The following PALM2AKAP2 variants were observed in gnomAD, a reference collection of about 807,000 sequenced individuals.
The protein encoded by PALM2AKAP2 is PALM2-AKAP2 fusion protein.
In PALM2AKAP2, 37 loss-of-function variants were observed where a neutral mutation model predicts 71.5. The ratio of observed to expected loss-of-function variants is 0.52; its 90% CI spans 0.40 to 0.68. PALM2AKAP2 has a LOEUF of 0.68. Among genes scored for constraint, PALM2AKAP2 ranks in the 30% least tolerant of loss-of-function variants. The pLI is 0.00. For missense variants in PALM2AKAP2, 1,224 were observed against 1,191.8 expected, an observed-to-expected ratio of 1.03 and a Z score of -0.40; for synonymous variants, 468 against 478.8, an observed-to-expected ratio of 0.98 and a Z score of 0.29.
chr9:109,683,112 G>A, intron 1 of PALM2AKAP2, among the ~76,000 whole-genome samples: 1 of 152,142 alleles, frequency 6.6e-6, no homozygotes. Flanking sequence ...TTCACCATGT[G>A]AAGTGCCTGC....
rs145903597 is a variant in PALM2AKAP2 at position 109,913,383 on chromosome 9, A to G, written c.258-10352A>G. On this transcript the variant is annotated intron_variant, in intron 3 of 9. Coordinates refer to the PALM2AKAP2 transcript ENST00000302798. ...CCAGACGGACACAAATAGCGCACCAAAGAGATGCTAAGACATGGGTGATTA... is the reference window on the plus strand; with the variant it reads ...CCAGACGGACACAAATAGCGCACCAGAGAGATGCTAAGACATGGGTGATTA... 2.0e-4 allele frequency among the ~76,000 whole-genome samples: 31 copies of G among 152,346 alleles called. No homozygotes were observed. In the East Asian group the frequency reaches 2.9e-3, roughly 14 times the overall value.
intron 7 of PALM2AKAP2, among the ~76,000 whole-genome samples, chr9:110,042,559 A>G (rs1833528090): frequency 6.6e-6 from 1 of 152,212 alleles, no homozygotes; most frequent in Non-Finnish European, 1.5e-5. Context: ...GGATGGTGTA[A>G]AACCACTAGT....
intron 6 of PALM2AKAP2, among the ~76,000 whole-genome samples, chr9:109,954,712 A>G (rs1831715042): frequency 1.3e-5 from 2 of 150,882 alleles, no homozygotes; most frequent in South Asian, 4.2e-4. Flanking sequence ...TTAAGTGATC[A>G]TGTAGGGCAG....
chr9:109,728,331 T>C (rs890903760), intron 1 of PALM2AKAP2, among the ~76,000 whole-genome samples: 5 of 152,240 alleles, frequency 3.3e-5, no homozygotes, highest in African/African-American at 1.2e-4. Context: ...GGCAACTGCC[T>C]TGCCTTACAT....
At chr9:109,802,837 G>A (rs1254611650) in intron 1 of PALM2AKAP2, among the ~76,000 whole-genome samples, 1 of 152,222 alleles carries the variant, frequency 6.6e-6, no homozygotes, top group Non-Finnish European at 1.5e-5. Context: ...CGTAAATTTA[G>A]ATGGATCATT....
At chr9:109,750,262 A>G (rs1828865574) in intron 1 of PALM2AKAP2, among the ~76,000 whole-genome samples, 2 of 152,204 alleles carry the variant, frequency 1.3e-5, no homozygotes, top group Non-Finnish European at 1.5e-5. Context: ...AAGCACAGGA[A>G]ATTAGTTCCA....
chr9:110,110,063 TG>T (rs1231528527), intron 1 of PALM2AKAP2, among the ~76,000 whole-genome samples: 1 of 152,226 alleles, frequency 6.6e-6, no homozygotes, highest in Non-Finnish European at 1.5e-5. Context: ...TATTATATAT[TG>T]TACTTGAAAG....
chr9:110,157,076 A>T (rs535784298), intron 3 of PALM2AKAP2, among the ~76,000 whole-genome samples: 70 of 152,360 alleles, frequency 4.6e-4, no homozygotes, highest in Admixed American at 9.8e-4. Context: ...AGCCCTCGGA[A>T]CTTTGCACAT....
chr9:110,099,699 C>T (rs906659664), intron 1 of PALM2AKAP2, among the ~76,000 whole-genome samples: 1 of 152,096 alleles, frequency 6.6e-6, no homozygotes, highest in Non-Finnish European at 1.5e-5. Context: ...GTTTAGGAGT[C>T]CCGAGAAAAC....
intron 1 of PALM2AKAP2, among the ~76,000 whole-genome samples, chr9:109,702,301 A>G (rs1828073426): frequency 1.3e-5 from 2 of 152,250 alleles, no homozygotes; most frequent in South Asian, 2.1e-4. Context: ...CGTATGTTTT[A>G]TTGTGGCACT....
chr9:110,142,883 T>C (rs1274198679), intron 2 of PALM2AKAP2, among the ~76,000 whole-genome samples: 6 of 151,452 alleles, frequency 4.0e-5, no homozygotes, highest in South Asian at 2.1e-4. Flanking sequence ...CCAGTGAGAG[T>C]TTTTAAAGGA....
intron 1 of PALM2AKAP2, among the ~76,000 whole-genome samples, chr9:109,834,568 C>G (rs2025874): frequency 0.81 from 122,406 of 151,890 alleles, 49,508 homozygotes; most frequent in African/African-American, 0.89. Flanking sequence ...TTGGAAAATA[C>G]AGGGTCCAGC....
At chr9:109,904,047 C>T (rs7848609) in intron 3 of PALM2AKAP2, among the ~76,000 whole-genome samples, 9,586 of 152,132 alleles carry the variant, frequency 0.063, 532 homozygotes, top group East Asian at 0.26. Flanking sequence ...CTTATAAATG[C>T]TGTATTTAAC....
chr9:109,934,643 C>T (rs1233181807), intron 6 of PALM2AKAP2, among the ~76,000 whole-genome samples: 1 of 152,172 alleles, frequency 6.6e-6, no homozygotes, highest in East Asian at 1.9e-4. Flanking sequence ...AAATAGAGCA[C>T]GACGCTGCAG....
intron 6 of PALM2AKAP2, among the ~76,000 whole-genome samples, chr9:109,977,719 C>T (rs1017096643): frequency 6.6e-6 from 1 of 152,162 alleles, no homozygotes; most frequent in African/African-American, 2.4e-5. Context: ...GGTCTGCAAG[C>T]GTGACACATC....
At chr9:110,048,943 C>A in intron 1 of PALM2AKAP2, 1 of 1,392,056 alleles carries the variant, frequency 7.2e-7, no homozygotes, top group Non-Finnish European at 9.3e-7. Context: ...CGAGGAAGGG[C>A]TGGAAATCTG....
intron 2 of PALM2AKAP2, among the ~76,000 whole-genome samples, chr9:109,873,139 C>T (rs1463991177): frequency 3.9e-5 from 6 of 152,178 alleles, no homozygotes; most frequent in Middle Eastern, 3.2e-3. Flanking sequence ...GCTATTGCCT[C>T]ATGCTGAGTT....
At chr9:109,943,581 T>C in intron 6 of PALM2AKAP2, 1 of 1,072,570 alleles carries the variant, frequency 9.3e-7, no homozygotes, top group East Asian at 2.4e-5. Context: ...TTTTTCCTTT[T>C]CCTCACCTGA....
chr9:109,938,071 G>A (rs1273238146), intron 6 of PALM2AKAP2, among the ~76,000 whole-genome samples: 1 of 152,204 alleles, frequency 6.6e-6, no homozygotes, highest in Non-Finnish European at 1.5e-5. Flanking sequence ...GGCAGCAACA[G>A]GAAGTAGAAG....
Sources: gnomAD v4.1 joint callset for allele counts (sites outside exome capture counted in the v4.1 genomes callset) on GRCh38, gnomAD v4.1.1 for gene constraint, MANE v1.5 for transcripts, NCBI Gene and HGNC (gene_info 2026-07-23, HGNC 2026-07-21) for gene names.